The following SLC35F1 variants were observed in gnomAD, a reference collection of about 807,000 sequenced individuals.
SLC35F1 encodes the protein solute carrier family 35 member F1.
In SLC35F1, 14 loss-of-function variants were observed where a neutral mutation model predicts 48.7. The observed-to-expected ratio is 0.29, with a 90% CI of 0.19 to 0.45. SLC35F1 has a LOEUF of 0.45. SLC35F1 is among the 20% of genes least tolerant of loss of function. The pLI is 1.00. For missense variants in SLC35F1, 404 were observed against 500.0 expected, an observed-to-expected ratio of 0.81 and a Z score of 1.83; for synonymous variants, 190 against 202.2, an observed-to-expected ratio of 0.94 and a Z score of 0.51.
At chr6:117,923,366 A>G (rs1170300095) in intron 1 of SLC35F1, among the ~76,000 whole-genome samples, 2 of 151,818 alleles carry the variant, frequency 1.3e-5, no homozygotes, top group Non-Finnish European at 2.9e-5. Flanking sequence ...GCTAAAGCTA[A>G]GCTCCGAAGA....
chr6:117,999,845 C>G (rs1390786354), intron 1 of SLC35F1, among the ~76,000 whole-genome samples: 4 of 151,968 alleles, frequency 2.6e-5, no homozygotes, highest in Non-Finnish European at 5.9e-5. Flanking sequence ...ACTAGAAAAT[C>G]TAGAAGAAAT....
intron 1 of SLC35F1, among the ~76,000 whole-genome samples, chr6:118,002,819 T>C (rs1156405924): frequency 1.3e-5 from 2 of 151,830 alleles, no homozygotes; most frequent in African/African-American, 4.8e-5. Context: ...AGTGGAATTA[T>C]TAAAAAGAAA....
chr6:118,238,187 T>G (rs974502623), intron 3 of SLC35F1, among the ~76,000 whole-genome samples: 84 of 152,282 alleles, frequency 5.5e-4, no homozygotes, highest in African/African-American at 1.9e-3. Context: ...AATATCCTTT[T>G]CGTCTCCATC....
chr6:118,021,344 T>C (rs182058524), intron 1 of SLC35F1, among the ~76,000 whole-genome samples: 21 of 152,306 alleles, frequency 1.4e-4, no homozygotes, highest in Non-Finnish European at 1.8e-4. Context: ...AAGTAAAGCC[T>C]TTCATCTAGT....
chr6:118,192,686 G>T lies in SLC35F1; in HGVS notation c.349+38066G>T, dbSNP rs557055891. On this transcript the variant is annotated intron_variant, in intron 2 of 7. Coordinates refer to ENST00000360388, the MANE Select transcript of SLC35F1 (RefSeq NM_001029858.4). ...AATTTTAGAAATCCCATACAATTTT[G>T]GAACATATTGATGGTATACACTAAA... is the stretch of plus-strand genomic sequence containing the variant. Among the ~76,000 whole-genome samples the T allele has an allele frequency of 2.8e-4, 43 of 152,160 alleles. No homozygotes were observed. The South Asian group carries it at 8.1e-3, about 29-fold the overall frequency.
chr6:118,184,927 G>T (rs1303869143), intron 2 of SLC35F1, among the ~76,000 whole-genome samples: 2 of 152,174 alleles, frequency 1.3e-5, no homozygotes, highest in African/African-American at 4.8e-5. Context: ...GAGATTCTGT[G>T]ACTATGGTCA....
chr6:118,027,308 G>T (rs940903883), intron 1 of SLC35F1, among the ~76,000 whole-genome samples: 5 of 152,110 alleles, frequency 3.3e-5, no homozygotes, highest in African/African-American at 1.2e-4. Context: ...TAAATACCTA[G>T]GAGTGTGATT....
In SLC35F1 at chr6:118,052,914, T is replaced by G. The variant is rs910426614; in HGVS notation, c.174-101531T>G. On this transcript the variant is annotated intron_variant, in intron 1 of 7. Transcript: ENST00000360388. Reference sequence around the variant, plus strand: ...CTAAACATTTACATGAGGTTGTTCTTTCCATAAACTGTCTGTTATGTTCAA... The same window carrying G: ...CTAAACATTTACATGAGGTTGTTCTGTCCATAAACTGTCTGTTATGTTCAA... Among the ~76,000 whole-genome samples the G allele has an allele frequency of 9.2e-5, 14 of 152,164 alleles. No homozygotes were observed. In the East Asian group the frequency reaches 1.7e-3, roughly 19 times the overall value.
intron 2 of SLC35F1, among the ~76,000 whole-genome samples, chr6:118,172,747 T>A (rs1774425053): frequency 6.6e-6 from 1 of 152,202 alleles, no homozygotes; most frequent in Non-Finnish European, 1.5e-5. Context: ...ATTGTGGTTG[T>A]TTCATTAAAA....
intron 1 of SLC35F1, among the ~76,000 whole-genome samples, chr6:118,041,791 G>A (rs571830848): frequency 6.6e-6 from 1 of 152,274 alleles, no homozygotes; most frequent in South Asian, 2.1e-4. Context: ...CAGAAAGACA[G>A]AAGGAAGGTG....
At chr6:118,050,109 A>T (rs1210020904) in intron 1 of SLC35F1, among the ~76,000 whole-genome samples, 1 of 152,022 alleles carries the variant, frequency 6.6e-6, no homozygotes, top group Admixed American at 6.6e-5. Flanking sequence ...GCAAACTATC[A>T]CAAGGACAAA....
intron 2 of SLC35F1, among the ~76,000 whole-genome samples, chr6:118,180,905 G>A (rs766139394): frequency 3.9e-5 from 6 of 151,950 alleles, no homozygotes; most frequent in African/African-American, 7.2e-5. Flanking sequence ...ACATTTAGAC[G>A]TATCGTAATA....
chr6:117,917,401 C>T (rs186730009), intron 1 of SLC35F1, among the ~76,000 whole-genome samples: 287 of 151,514 alleles, frequency 1.9e-3, no homozygotes, highest in Admixed American at 4.2e-3. Flanking sequence ...GAATGGATTG[C>T]GGGAGAAGTA....
At chr6:118,009,014 T>C (rs1344189193) in intron 1 of SLC35F1, among the ~76,000 whole-genome samples, 1 of 152,196 alleles carries the variant, frequency 6.6e-6, no homozygotes, top group Non-Finnish European at 1.5e-5. Flanking sequence ...AAATATCTTT[T>C]GTGTTGATAC....
Position 118,235,632 on chromosome 6 carries a change from T to C in SLC35F1, c.473T>C (p.Ile158Thr). 1 of 1,612,178 alleles carries C rather than the reference T, an allele frequency of 6.2e-7. No homozygotes were observed. Among genetic ancestry groups the C allele is most frequent in the Non-Finnish European group, 8.5e-7 (1 of 1,179,172 alleles). The change falls in exon 3 of 8, where the codon ATC becomes ACC. Residue 158 changes from isoleucine to threonine, a missense_variant. Coordinates refer to ENST00000360388, the MANE Select transcript of SLC35F1 (RefSeq NM_001029858.4). ...KAYQYTTLTS[I>T]QLLDCFVIPV... ...TACCAATACACAACTCTGACCAGTA[T>C]CCAGGTACCCATGGTTCTTCTTCCC...
At chr6:118,019,479 G>T (rs372329406) in intron 1 of SLC35F1, among the ~76,000 whole-genome samples, 1 of 152,088 alleles carries the variant, frequency 6.6e-6, no homozygotes, top group South Asian at 2.1e-4. Context: ...AAAATTAGCC[G>T]GGCGTGGTGG....
At chr6:118,192,022 TA>T (rs1774739508) in intron 2 of SLC35F1, among the ~76,000 whole-genome samples, 1 of 152,162 alleles carries the variant, frequency 6.6e-6, no homozygotes, top group Admixed American at 6.5e-5. Context: ...CTTTTAATAA[TA>T]AAAGCTTTAA....
chr6:118,006,722 A>G (rs1777178570), intron 1 of SLC35F1, among the ~76,000 whole-genome samples: 1 of 152,186 alleles, frequency 6.6e-6, no homozygotes, highest in Non-Finnish European at 1.5e-5. Context: ...TAAAAAATTG[A>G]CATTTAATGC....
At chr6:118,148,920 G>A (rs557130153) in intron 1 of SLC35F1, among the ~76,000 whole-genome samples, 3 of 152,302 alleles carry the variant, frequency 2.0e-5, no homozygotes, top group South Asian at 4.1e-4. Flanking sequence ...TTCAGAGCTA[G>A]TAGTTTTTCA....
Sources: gnomAD v4.1 joint callset for allele counts (sites outside exome capture counted in the v4.1 genomes callset) on GRCh38, gnomAD v4.1.1 for gene constraint, MANE v1.5 for transcripts, NCBI Gene and HGNC (gene_info 2026-07-23, HGNC 2026-07-21) for gene names.